Variants in KANSL1 observed in about 807,000 individuals in gnomAD.
The protein encoded by KANSL1 is MLL1/MLL complex subunit KANSL1.
In KANSL1, 22 loss-of-function variants were observed where a neutral mutation model predicts 103.6. The observed-to-expected ratio is 0.21, with a 90% CI of 0.15 to 0.30. KANSL1 has a LOEUF of 0.30. Ranked by LOEUF, KANSL1 falls within the 10% of genes least tolerant of loss-of-function variation. The pLI, the probability that KANSL1 is intolerant of heterozygous loss-of-function variation, is 1.00. For synonymous variants in KANSL1, 600 were observed against 527.6 expected, an observed-to-expected ratio of 1.14 and a Z score of -1.88; for missense variants, 1,337 against 1,399.8, an observed-to-expected ratio of 0.96 and a Z score of 0.72.
chr17:46,225,071 G>C (rs1165678596), upstream of KANSL1, among the ~76,000 whole-genome samples: 1 of 151,576 alleles, frequency 6.6e-6, no homozygotes, highest in Non-Finnish European at 1.5e-5. Context: ...CAGTCGGCCG[G>C]CAGCCGGCGT....
At chr17:46,179,623 G>A (rs1020580383) in intron 1 of KANSL1, among the ~76,000 whole-genome samples, 6 of 152,238 alleles carry the variant, frequency 3.9e-5, no homozygotes, top group Non-Finnish European at 5.9e-5. Context: ...TGAAGTTGCC[G>A]CAATTTTAGC....
At chr17:46,053,670 C>T (rs756115388) in intron 6 of KANSL1, among the ~76,000 whole-genome samples, 11 of 152,192 alleles carry the variant, frequency 7.2e-5, no homozygotes, top group Non-Finnish European at 1.0e-4. Context: ...CTCCTGACCT[C>T]GTGATCTGCC....
At chr17:46,059,107 G>A (rs925149981) in intron 6 of KANSL1, among the ~76,000 whole-genome samples, 3 of 151,704 alleles carry the variant, frequency 2.0e-5, no homozygotes, top group Non-Finnish European at 2.9e-5. Flanking sequence ...ACTCTTGTAG[G>A]GCTGAATGGA....
chr17:46,218,359 C>T (rs1478133784), intron 1 of KANSL1, among the ~76,000 whole-genome samples: 1 of 152,238 alleles, frequency 6.6e-6, no homozygotes, highest in African/African-American at 2.4e-5. Context: ...ACTCTAGGAT[C>T]TAGGTACTAT....
At chr17:46,050,105 GTGGTTTCACCA>G (rs66691703) in intron 7 of KANSL1, 22,789 of 156,766 alleles carry the variant, frequency 0.15, 2,208 homozygotes, top group Middle Eastern at 0.22. Context: ...AGTAGAGACG[GTGGTTTCACCA>G]TGTTGGTCAG....
Position 46,162,053 on chromosome 17 carries a change from A to G in KANSL1, c.1289+8802T>C, listed in dbSNP as rs568485419. 2.6e-4 allele frequency among the ~76,000 whole-genome samples: 39 copies of G among 152,370 alleles called. No individual in the cohort carries two copies. In the East Asian group the frequency reaches 6.9e-3, roughly 27 times the overall value. On this transcript the variant is annotated intron_variant, in intron 2 of 14. Coordinates refer to ENST00000432791, the MANE Select transcript of KANSL1 (RefSeq NM_015443.4). ...ACACAGTTGCCACAAAGCCTTAACT[A>G]ATGAGAATCAAAACTGGTAAGATTT...
intron 1 of KANSL1, among the ~76,000 whole-genome samples, chr17:46,201,649 A>C (rs529701776): frequency 2.6e-5 from 3 of 115,570 alleles, no homozygotes; most frequent in African/African-American, 5.2e-5. Context: ...AGATGGGAGG[A>C]TCATTTGAGC....
chr17:46,210,498 A>G (rs1262247620), intron 1 of KANSL1, among the ~76,000 whole-genome samples: 4 of 606 alleles, frequency 6.6e-3, no homozygotes, highest in Non-Finnish European at 0.013. Flanking sequence ...AAAAAAAAAA[A>G]AAAAGACCTG....
At position 46,213,940 on chromosome 17, in the gene KANSL1, A is replaced by G. The variant is rs1454012826; in HGVS notation, c.-90+9731T>C. Among the ~76,000 whole-genome samples, 4 of 152,114 alleles carry G rather than the reference A, an allele frequency of 2.6e-5. No homozygotes were observed. In the East Asian group the frequency reaches 7.8e-4, roughly 30 times the overall value. On this transcript the variant is annotated intron_variant, in intron 1 of 14. Coordinates refer to the KANSL1 transcript ENST00000572904. ...TTAAAAAAAAAAAAACTAATATGCA[A>G]GAACTAATGTCACAAACAATTCTAA...
chr17:46,203,351 TG>T (rs1232145279), intron 1 of KANSL1, among the ~76,000 whole-genome samples: 1 of 152,256 alleles, frequency 6.6e-6, no homozygotes, highest in East Asian at 1.9e-4. Flanking sequence ...TGTTAATATT[TG>T]GGCTACGGCA....
intron 2 of KANSL1, among the ~76,000 whole-genome samples, chr17:46,122,390 CATAAAG>C (rs1268627610): frequency 6.6e-6 from 1 of 152,176 alleles, no homozygotes; most frequent in Non-Finnish European, 1.5e-5. Context: ...AGGCTGCTAT[CATAAAG>C]ATAAAGATGC....
At chr17:46,213,364 G>A (rs2048227788) in intron 1 of KANSL1, among the ~76,000 whole-genome samples, 1 of 152,024 alleles carries the variant, frequency 6.6e-6, no homozygotes, top group African/African-American at 2.4e-5. Flanking sequence ...GTAGTGGCGT[G>A]ATCTCAGCTC....
rs552649844 is a variant in KANSL1, at chr17:46,174,225, G to A, written c.-89-1993C>T. 8.5e-5 allele frequency among the ~76,000 whole-genome samples: 13 copies of A among 152,262 alleles called. No individual in the cohort carries two copies. The South Asian group carries it at 1.2e-3, about 15-fold the overall frequency. On this transcript the variant is annotated intron_variant, in intron 1 of 14. Transcript: ENST00000432791. ...GTGTTTAACAGAGTCTTGCTCTGTC[G>A]CCACGCTGGAGTGCAGTGGTATGAT... is the stretch of plus-strand genomic sequence containing the variant.
chr17:46,126,248 C>T (rs542646567), intron 2 of KANSL1, among the ~76,000 whole-genome samples: 1 of 152,274 alleles, frequency 6.6e-6, no homozygotes, highest in Non-Finnish European at 1.5e-5. Flanking sequence ...TCGAGACCAG[C>T]CTGGCCAACG....
intron 1 of KANSL1, among the ~76,000 whole-genome samples, chr17:46,188,784 A>C (rs533692709): frequency 6.6e-6 from 1 of 152,196 alleles, no homozygotes; most frequent in African/African-American, 2.4e-5. Flanking sequence ...TAATCCTAGC[A>C]CTTTGGGAGG....
chr17:46,201,354 A>C (rs2047799477), intron 1 of KANSL1, among the ~76,000 whole-genome samples: 2 of 152,240 alleles, frequency 1.3e-5, no homozygotes, highest in African/African-American at 4.8e-5. Context: ...CAATTTAATC[A>C]AGGATTATAG....
chr17:46,082,391 C>A, intron 4 of KANSL1, 50 bp downstream of exon 4: 1 of 1,226,696 alleles, frequency 8.2e-7, no homozygotes, highest in Non-Finnish European at 1.2e-6. Context: ...TGTGCCAAGA[C>A]AACACCCTTA....
chr17:46,157,122 T>C (rs1212966203), intron 2 of KANSL1, among the ~76,000 whole-genome samples: 1 of 152,232 alleles, frequency 6.6e-6, no homozygotes, highest in African/African-American at 2.4e-5. Flanking sequence ...CTCGGAAAAT[T>C]CTGGAACCCC....
chr17:46,057,071 A>G (rs183671811), intron 6 of KANSL1, among the ~76,000 whole-genome samples: 235 of 152,352 alleles, frequency 1.5e-3, no homozygotes, highest in African/African-American at 5.6e-3. Context: ...ATTAGTGGTG[A>G]GTCACAGTAA....
Sources: gnomAD v4.1 joint callset for allele counts (sites outside exome capture counted in the v4.1 genomes callset) on GRCh38, gnomAD v4.1.1 for gene constraint, MANE v1.5 for transcripts, NCBI Gene and HGNC (gene_info 2026-07-23, HGNC 2026-07-21) for gene names.